KIF26B: variants seen among roughly 807,000 people sequenced by gnomAD.
KIF26B encodes the protein kinesin family member 26B, also known as kinesin-like protein KIF26B.
Under a neutral mutation model 151.2 loss-of-function variants are expected in KIF26B, and 63 were observed. That is an observed-to-expected ratio of 0.42 (90% CI 0.34 to 0.51). The LOEUF (loss-of-function observed/expected upper bound fraction) is 0.51, where lower values mean the gene tolerates loss of function less well. Ranked by LOEUF, KIF26B falls within the 20% of genes least tolerant of loss-of-function variation. The probability of loss-of-function intolerance (pLI) is 0.07; values close to 1 mark genes in which losing one functional copy is unlikely to be tolerated. For missense variants in KIF26B, 2,813 were observed against 2,913.6 expected, an observed-to-expected ratio of 0.97 and a Z score of 0.79; for synonymous variants, 1,357 against 1,262.1, an observed-to-expected ratio of 1.08 and a Z score of -1.59.
At chr1:245,463,218 G>A (rs1274657889) in intron 4 of KIF26B, among the ~76,000 whole-genome samples, 1 of 152,218 alleles carries the variant, frequency 6.6e-6, no homozygotes, top group East Asian at 1.9e-4. Context: ...TCTGCTGCAT[G>A]CATCACCTTA....
rs745950507 is a variant in KIF26B at position 245,156,559 on chromosome 1, G to A, written c.341G>A (p.Gly114Asp). The A allele has an allele frequency of 2.8e-4, 436 of 1,532,628 alleles. No homozygotes were observed. The highest frequency in any genetic ancestry group is 1.2e-3 in the Admixed American group (60 of 52,020). The allele number at this position is 1,532,628 out of a possible 1,614,324, so 94.9% of individuals were successfully genotyped here. A position where few individuals can be genotyped will look rare whatever the true frequency, so the allele number is the denominator to read the frequency against. ...TTCGGCACAGGCTCCCCGGGCTCCGGCAGCGGCGGCGGCTCCTCCCCCGGC... is the reference window on the plus strand; with the variant it reads ...TTCGGCACAGGCTCCCCGGGCTCCGACAGCGGCGGCGGCTCCTCCCCCGGC... ...PGFGTGSPGS[G>D]SGGGSSPGSD... The change falls in exon 2 of 15, where the codon GGC (glycine) becomes GAC (aspartate). Residue 114 changes from glycine to aspartate, a missense_variant. Transcript: ENST00000407071.
At chr1:245,196,717 C>G (rs542406987) in intron 2 of KIF26B, among the ~76,000 whole-genome samples, 11 of 152,288 alleles carry the variant, frequency 7.2e-5, no homozygotes, top group African/African-American at 2.4e-4. Context: ...TTTGATTACT[C>G]TCCTTGGCTC....
intron 12 of KIF26B, among the ~76,000 whole-genome samples, chr1:245,690,279 C>T (rs1253714048): frequency 6.6e-6 from 1 of 152,248 alleles, no homozygotes; most frequent in Non-Finnish European, 1.5e-5. Context: ...TGGCCTGTCT[C>T]TCCCCTCCCG....
intron 10 of KIF26B, among the ~76,000 whole-genome samples, 187 bp from the exon 11 acceptor site, chr1:245,684,046 C>T (rs2044474556): frequency 6.6e-6 from 1 of 152,254 alleles, no homozygotes; most frequent in South Asian, 2.1e-4. Context: ...GAGTTAGAAG[C>T]ACTTGCTCGG....
intron 4 of KIF26B, among the ~76,000 whole-genome samples, chr1:245,535,138 A>G (rs569035707): frequency 6.6e-6 from 1 of 152,224 alleles, no homozygotes; most frequent in Non-Finnish European, 1.5e-5. Flanking sequence ...CCTAAATAAT[A>G]CAATTATACG....
At chr1:245,396,635 CAAAAA>C (rs34135318) in intron 3 of KIF26B, among the ~76,000 whole-genome samples, 2 of 134,764 alleles carry the variant, frequency 1.5e-5, no homozygotes, top group African/African-American at 5.2e-5. Context: ...AACTCCATCT[CAAAAA>C]AAAAACAAAA....
intron 4 of KIF26B, among the ~76,000 whole-genome samples, chr1:245,515,641 C>A (rs1266022173): frequency 6.6e-6 from 1 of 152,200 alleles, no homozygotes; most frequent in African/African-American, 2.4e-5. Context: ...GAGATTCACA[C>A]ATTTTAGTGA....
intron 2 of KIF26B, among the ~76,000 whole-genome samples, chr1:245,179,109 C>T (rs1376806331): frequency 6.6e-6 from 1 of 152,064 alleles, no homozygotes; most frequent in Non-Finnish European, 1.5e-5. Flanking sequence ...AAAGACTGCC[C>T]CTGTCTTTGT....
At chr1:245,489,673 A>G (rs1468404751) in intron 4 of KIF26B, among the ~76,000 whole-genome samples, 1 of 152,218 alleles carries the variant, frequency 6.6e-6, no homozygotes, top group Non-Finnish European at 1.5e-5. Context: ...TGTAAAGTCC[A>G]GGGTTATGAG....
intron 4 of KIF26B, among the ~76,000 whole-genome samples, chr1:245,520,563 CCCATTCAT>C (rs1661072388): frequency 3.0e-5 from 4 of 132,206 alleles, no homozygotes; most frequent in East Asian, 2.2e-4. Flanking sequence ...CATCCATCCA[CCCATTCAT>C]CCATCCATCC....
intron 3 of KIF26B, among the ~76,000 whole-genome samples, chr1:245,399,653 A>G (rs902317093): frequency 6.6e-6 from 1 of 152,234 alleles, no homozygotes; most frequent in African/African-American, 2.4e-5. Flanking sequence ...CATGCATCTT[A>G]TGAGAAGCAA....
intron 2 of KIF26B, among the ~76,000 whole-genome samples, chr1:245,217,726 A>T (rs1420953716): frequency 6.6e-6 from 1 of 152,166 alleles, no homozygotes; most frequent in South Asian, 2.1e-4. Context: ...TAATCTCACG[A>T]TACCCGCCTT....
In KIF26B at chr1:245,243,618, C is replaced by T. The variant is rs570095599; in HGVS notation, c.465+86935C>T. Among the ~76,000 whole-genome samples the T allele has an allele frequency of 5.9e-5, 9 of 152,162 alleles. No homozygotes were observed. The South Asian group carries it at 1.9e-3, about 32-fold the overall frequency. On this transcript the variant is annotated intron_variant, in intron 2 of 14. Coordinates refer to ENST00000407071, the MANE Select transcript of KIF26B (RefSeq NM_018012.4). ...TAACTTCAATAAAGCCAAATTTACC[C>T]CCATTCTTCTGTATTGCTTATGCTT...
At chr1:245,311,843 C>T (rs1165516387) in intron 2 of KIF26B, among the ~76,000 whole-genome samples, 4 of 151,974 alleles carry the variant, frequency 2.6e-5, no homozygotes, top group Non-Finnish European at 5.9e-5. Context: ...GGCAGGAGAA[C>T]GGCTTGAACC....
chr1:245,621,464 G>A (rs539862141), intron 9 of KIF26B, among the ~76,000 whole-genome samples: 3 of 152,248 alleles, frequency 2.0e-5, no homozygotes, highest in Admixed American at 6.5e-5. Context: ...CGTAGGAGAC[G>A]TTATTATATT....
intron 2 of KIF26B, among the ~76,000 whole-genome samples, chr1:245,303,487 C>A (rs954647818): frequency 2.6e-5 from 4 of 151,038 alleles, no homozygotes; most frequent in South Asian, 2.1e-4. Context: ...CGTAAGCCAC[C>A]GCGCCCGGCC....
chr1:245,583,556 T>C (rs1440121264), intron 5 of KIF26B, among the ~76,000 whole-genome samples: 2 of 152,196 alleles, frequency 1.3e-5, no homozygotes, highest in African/African-American at 4.8e-5. Flanking sequence ...ATGTTTCTTA[T>C]CATGAATGAG....
intron 10 of KIF26B, among the ~76,000 whole-genome samples, chr1:245,666,273 C>G (rs1234028724): frequency 6.6e-6 from 1 of 152,244 alleles, no homozygotes. Context: ...TGCACATAAC[C>G]TCATATGTTC....
At chr1:245,299,912 G>T (rs1025529802) in intron 2 of KIF26B, among the ~76,000 whole-genome samples, 3 of 152,248 alleles carry the variant, frequency 2.0e-5, no homozygotes, top group African/African-American at 7.2e-5. Context: ...GGCTGGCAAA[G>T]TGAGTCAGAG....
Sources: allele counts gnomAD v4.1 joint callset (sites outside exome capture counted in the v4.1 genomes callset), GRCh38; gene constraint gnomAD v4.1.1; transcripts MANE v1.5; gene names NCBI Gene and HGNC (gene_info 2026-07-23, HGNC 2026-07-21).